SLC66A3: variants seen among roughly 807,000 people sequenced by gnomAD.
The protein encoded by SLC66A3 is solute carrier family 66 member 3, also known as PQ loop repeat containing 3.
In SLC66A3, 23 loss-of-function variants were observed where a neutral mutation model predicts 25.5. The ratio of observed to expected loss-of-function variants is 0.90; its 90% CI spans 0.65 to 1.28. The LOEUF (loss-of-function observed/expected upper bound fraction) is 1.28. SLC66A3 is among the 50% of genes most tolerant of loss of function. SLC66A3 has a pLI of 0.00. For synonymous variants in SLC66A3, 108 were observed against 112.6 expected, an observed-to-expected ratio of 0.96 and a Z score of 0.26; for missense variants, 246 against 262.1, an observed-to-expected ratio of 0.94 and a Z score of 0.42.
chr2:11,157,733 C>T (rs1465511571), intron 1 of SLC66A3, among the ~76,000 whole-genome samples: 2 of 152,234 alleles, frequency 1.3e-5, no homozygotes, highest in African/African-American at 4.8e-5. Context: ...GCCAGAAAAG[C>T]CTTTTTAGTG....
Position 11,156,675 on chromosome 2 carries a change from A to G in SLC66A3, c.143+986A>G, listed in dbSNP as rs1661915902. Among the ~76,000 whole-genome samples the G allele has an allele frequency of 2.6e-5, 4 of 152,072 alleles. No homozygotes were observed. In the South Asian group the frequency reaches 8.3e-4, roughly 32 times the overall value. On this transcript the variant is annotated intron_variant, in intron 1 of 6. Transcript: ENST00000295083. ...CCCTATGGAGCCCGGCCCTGGGCAC[A>G]GTCATCCAATAGGGGGCTTTGAGGG...
chr2:11,160,302 A>G, intron 1 of SLC66A3, 164 bp from the exon 2 acceptor site: 1 of 652,634 alleles, frequency 1.5e-6, no homozygotes. Flanking sequence ...AGATGATTCA[A>G]CTGAATTCCA....
At chr2:11,167,511 C>G (rs1474243231) in intron 4 of SLC66A3, among the ~76,000 whole-genome samples, 1 of 152,214 alleles carries the variant, frequency 6.6e-6, no homozygotes, top group Non-Finnish European at 1.5e-5. Flanking sequence ...GGTGTTTGTT[C>G]TGTGCCCTTA....
rs564897806 is a variant in SLC66A3, at chr2:11,169,852, T to G, written c.355-2073T>G. ...GGATTTCTCTCTTTTTTTTTTTTTT[T>G]TTTTTGAGACAGAGTCTTGCTCTGT... On this transcript the variant is annotated intron_variant, in intron 4 of 6. Coordinates refer to ENST00000295083, the MANE Select transcript of SLC66A3 (RefSeq NM_152391.5). Among the ~76,000 whole-genome samples the G allele has an allele frequency of 1.3e-3, 188 of 145,768 alleles. 1 individual carries two copies. Among genetic ancestry groups the G allele is most frequent in the African/African-American group, 4.6e-3 (183 of 39,760 alleles).
chr2:11,165,942 T>C (rs1572185504), intron 4 of SLC66A3, among the ~76,000 whole-genome samples: 1 of 151,942 alleles, frequency 6.6e-6, no homozygotes, highest in African/African-American at 2.4e-5. Context: ...GGCAGGGAGG[T>C]TGCAGTGAGC....
intron 1 of SLC66A3, 36 bp downstream of exon 1, chr2:11,155,725 C>T (rs778648922): frequency 1.5e-6 from 2 of 1,334,788 alleles, no homozygotes; most frequent in South Asian, 1.9e-5. Flanking sequence ...CCTCCTGCCC[C>T]CTCGCAGCTG....
chr2:11,155,742 G>C, intron 1 of SLC66A3, 53 bp downstream of exon 1: 3 of 1,308,720 alleles, frequency 2.3e-6, no homozygotes, highest in Non-Finnish European at 2.9e-6. Flanking sequence ...GCTGCTGCCG[G>C]CTGGGAGCCC....
At position 11,155,509 on chromosome 2, in the gene SLC66A3, C is replaced by T. The variant is rs1393234239; in HGVS notation, c.-38C>T. On this transcript the variant is annotated 5_prime_UTR_variant, in exon 1 of 7. Coordinates refer to ENST00000295083, the MANE Select transcript of SLC66A3 (RefSeq NM_152391.5). ...CGCCGCCGAGGCTGAGCGGTCCCTT[C>T]TCGCTGCGGCCGCCCAGGTGCCCGC... is the stretch of plus-strand genomic sequence containing the variant. The T allele has an allele frequency of 2.0e-6, 3 of 1,473,424 alleles. No individual in the cohort carries two copies. The highest frequency in any genetic ancestry group is 1.8e-6 in the Non-Finnish European group (2 of 1,121,110). The allele number at this position is 1,473,424 out of a possible 1,614,324, so 91.3% of individuals were successfully genotyped here. A position where few individuals can be genotyped will look rare whatever the true frequency, so the allele number is the denominator to read the frequency against.
chr2:11,160,357 AC>A, intron 1 of SLC66A3, 108 bp from the exon 2 acceptor site: 1 of 865,824 alleles, frequency 1.2e-6, no homozygotes, highest in Non-Finnish European at 2.0e-6. Context: ...GCGTGTCCAC[AC>A]CCCCACTGCA....
At chr2:11,158,983 G>T (rs1025150152) in intron 1 of SLC66A3, among the ~76,000 whole-genome samples, 25 of 152,192 alleles carry the variant, frequency 1.6e-4, no homozygotes, top group African/African-American at 6.0e-4. Context: ...GGAAATCCAG[G>T]CTCTTCATCT....
At chr2:11,169,821 C>T (rs1289129033) in intron 4 of SLC66A3, among the ~76,000 whole-genome samples, 3 of 143,164 alleles carry the variant, frequency 2.1e-5, no homozygotes, top group African/African-American at 7.6e-5. Flanking sequence ...AGATTAGAAT[C>T]ACCCTGGATT....
At chr2:11,161,219 A>G (rs1305044069) in intron 3 of SLC66A3, among the ~76,000 whole-genome samples, 2 of 149,320 alleles carry the variant, frequency 1.3e-5, no homozygotes, top group African/African-American at 5.0e-5. Flanking sequence ...CTTTGTAAAG[A>G]CTCACTAGTT....
intron 4 of SLC66A3, among the ~76,000 whole-genome samples, chr2:11,169,831 TTC>T (rs201735053): frequency 0.076 from 9,923 of 130,002 alleles, 463 homozygotes; most frequent in African/African-American, 0.12. Context: ...CACCCTGGAT[TTC>T]TCTCTTTTTT....
At chr2:11,166,843 C>T (rs917303310) in intron 4 of SLC66A3, among the ~76,000 whole-genome samples, 2 of 152,186 alleles carry the variant, frequency 1.3e-5, no homozygotes, top group Non-Finnish European at 2.9e-5. Context: ...TGCAGTGAGC[C>T]AGGATCACGC....
At chr2:11,172,522 A>G (rs1417539469) in intron 5 of SLC66A3, among the ~76,000 whole-genome samples, 2 of 152,200 alleles carry the variant, frequency 1.3e-5, no homozygotes, top group Admixed American at 6.5e-5. Flanking sequence ...TACAAAAACT[A>G]CCTAAAATAC....
At chr2:11,176,888 G>C (rs1482143752) in intron 6 of SLC66A3, among the ~76,000 whole-genome samples, 1 of 118,664 alleles carries the variant, frequency 8.4e-6, no homozygotes, top group Non-Finnish European at 2.0e-5. Context: ...CAAACACAAA[G>C]ATATCTTAAA....
At chr2:11,163,737 C>T (rs1662207085) in intron 3 of SLC66A3, among the ~76,000 whole-genome samples, 1 of 152,208 alleles carries the variant, frequency 6.6e-6, no homozygotes, top group Non-Finnish European at 1.5e-5. Context: ...CAGCATTGCC[C>T]ACCCCAGCTG....
At chr2:11,167,994 T>G (rs1204796957) in intron 4 of SLC66A3, among the ~76,000 whole-genome samples, 3 of 152,144 alleles carry the variant, frequency 2.0e-5, no homozygotes, top group Non-Finnish European at 4.4e-5. Context: ...AAAAATGATC[T>G]GCAAGGCCGG....
At chr2:11,172,130 C>A in intron 5 of SLC66A3, 85 bp downstream of exon 5, 1 of 1,363,994 alleles carries the variant, frequency 7.3e-7, no homozygotes, top group Non-Finnish European at 1.0e-6. Context: ...GTTGAAGTAA[C>A]ATGGTCCCTG....
Sources: gnomAD v4.1 joint callset for allele counts (sites outside exome capture counted in the v4.1 genomes callset) on GRCh38, gnomAD v4.1.1 for gene constraint, MANE v1.5 for transcripts, NCBI Gene and HGNC (gene_info 2026-07-23, HGNC 2026-07-21) for gene names.